HEMK2: variants seen among roughly 807,000 people sequenced by gnomAD.
HEMK2 encodes methyltransferase HEMK2.
At chr21:28,759,657 A>G in the HEMK2 span, among the ~76,000 whole-genome samples, 109 of 152,274 alleles carry the variant, frequency 7.2e-4, 1 homozygote, top group Admixed American at 6.3e-3. Context: ...GAAGGACCCA[A>G]TGGGAGATAA....
At chr21:28,615,076 A>C in the HEMK2 span, among the ~76,000 whole-genome samples, 1 of 152,126 alleles carries the variant, frequency 6.6e-6, no homozygotes, top group African/African-American at 2.4e-5. Flanking sequence ...TACAAGGGTG[A>C]TATGGGTGGC....
chr21:28,864,919 T>TA, the HEMK2 span, among the ~76,000 whole-genome samples: 302 of 143,894 alleles, frequency 2.1e-3, 1 homozygote, highest in African/African-American at 4.9e-3. Context: ...ATGATATAGA[T>TA]AGATAGACAG....
the HEMK2 span, among the ~76,000 whole-genome samples, chr21:28,680,352 A>T: frequency 1.3e-5 from 2 of 152,210 alleles, no homozygotes; most frequent in African/African-American, 4.8e-5. Context: ...CTAAACCAGG[A>T]AGAAGTGGAA....
chr21:28,855,604 A>ACAAT, the HEMK2 span, among the ~76,000 whole-genome samples: 1 of 152,192 alleles, frequency 6.6e-6, no homozygotes, highest in East Asian at 1.9e-4. Context: ...AATAAACCAC[A>ACAAT]CAATCAGAAA....
At chr21:28,667,247 G>A in the HEMK2 span, among the ~76,000 whole-genome samples, 1 of 152,216 alleles carries the variant, frequency 6.6e-6, no homozygotes, top group East Asian at 1.9e-4. Context: ...ATAAACATGT[G>A]TTGTTTTGAC....
chr21:28,786,094 C>A, the HEMK2 span, among the ~76,000 whole-genome samples: 1 of 152,168 alleles, frequency 6.6e-6, no homozygotes, highest in Non-Finnish European at 1.5e-5. Flanking sequence ...AACCCAGTGA[C>A]TAGATGCTTG....
At chr21:28,864,837 A>AGATGGAT in the HEMK2 span, among the ~76,000 whole-genome samples, 2 of 135,298 alleles carry the variant, frequency 1.5e-5, no homozygotes, top group Non-Finnish European at 3.2e-5. Context: ...ATAGATAGAT[A>AGATGGAT]GATAGATAGA....
the HEMK2 span, among the ~76,000 whole-genome samples, chr21:28,815,070 G>C: frequency 1.3e-5 from 2 of 152,086 alleles, no homozygotes; most frequent in East Asian, 3.9e-4. Context: ...ATGAGTTCAT[G>C]TCCTTTGTAG....
the HEMK2 span, among the ~76,000 whole-genome samples, chr21:28,688,616 ATGAG>A: frequency 6.1e-4 from 93 of 152,152 alleles, no homozygotes; most frequent in African/African-American, 1.8e-3. Flanking sequence ...GAATAAATGA[ATGAG>A]TAAGTTGATA....
At chr21:28,752,183 C>CT in the HEMK2 span, among the ~76,000 whole-genome samples, 1 of 152,164 alleles carries the variant, frequency 6.6e-6, no homozygotes, top group African/African-American at 2.4e-5. Flanking sequence ...AGTGAATAGA[C>CT]TAATTGTCCC....
the HEMK2 span, among the ~76,000 whole-genome samples, chr21:28,850,741 G>C: frequency 0.1 from 15,321 of 152,178 alleles, 1,093 homozygotes; most frequent in East Asian, 0.34. Flanking sequence ...GTGTTAGTCA[G>C]GGTTCTCTAG....
At chr21:28,706,138 C>T in the HEMK2 span, among the ~76,000 whole-genome samples, 2 of 152,206 alleles carry the variant, frequency 1.3e-5, no homozygotes, top group African/African-American at 4.8e-5. Context: ...TCTACACGGA[C>T]AAAGTCACAG....
chr21:28,594,619 G>C, the HEMK2 span, among the ~76,000 whole-genome samples: 9 of 152,136 alleles, frequency 5.9e-5, no homozygotes, highest in Non-Finnish European at 1.3e-4. Flanking sequence ...CCCAACAGTA[G>C]GGGGTAGTTG....
At chr21:28,877,610 A>C in the HEMK2 span, among the ~76,000 whole-genome samples, 3 of 149,786 alleles carry the variant, frequency 2.0e-5, no homozygotes. Flanking sequence ...GAAGGAAGGA[A>C]AAAAAGAGAA....
At chr21:28,853,558 T>A in the HEMK2 span, among the ~76,000 whole-genome samples, 1 of 152,192 alleles carries the variant, frequency 6.6e-6, no homozygotes, top group African/African-American at 2.4e-5. Context: ...TCTAAGGGCC[T>A]ACTGGGACTT....
the HEMK2 span, among the ~76,000 whole-genome samples, chr21:28,841,869 G>A: frequency 6.6e-6 from 1 of 152,162 alleles, no homozygotes; most frequent in Admixed American, 6.6e-5. Context: ...CCTGCTGAAA[G>A]ACAACATTTC....
At chr21:28,700,214 T>C in the HEMK2 span, among the ~76,000 whole-genome samples, 1 of 152,164 alleles carries the variant, frequency 6.6e-6, no homozygotes, top group Non-Finnish European at 1.5e-5. Context: ...CCTATTCTGC[T>C]TTGCCTCTCT....
At chr21:28,818,863 A>G in the HEMK2 span, among the ~76,000 whole-genome samples, 1 of 152,210 alleles carries the variant, frequency 6.6e-6, no homozygotes, top group Non-Finnish European at 1.5e-5. Context: ...AGTGGACCAG[A>G]AAGAAAGAAA....
chr21:28,733,459 C>T, the HEMK2 span, among the ~76,000 whole-genome samples: 1 of 152,150 alleles, frequency 6.6e-6, no homozygotes, highest in Non-Finnish European at 1.5e-5. Context: ...GTACCCTAAA[C>T]ATCCAATAAC....
Sources: gnomAD v4.1 joint callset for allele counts (sites outside exome capture counted in the v4.1 genomes callset) on GRCh38, gnomAD v4.1.1 for gene constraint, MANE v1.5 for transcripts, NCBI Gene and HGNC (gene_info 2026-07-23, HGNC 2026-07-21) for gene names.